The following GFOD1 variants were observed in gnomAD, a reference collection of about 807,000 sequenced individuals.
GFOD1 encodes glucose-fructose oxidoreductase domain-containing protein 1.
GFOD1 carries 9 observed loss-of-function variants against 25.4 expected under a neutral mutation model. The ratio of observed to expected loss-of-function variants is 0.35; its 90% CI spans 0.21 to 0.62. The LOEUF is 0.62. Among genes scored for constraint, GFOD1 ranks in the 20% least tolerant of loss-of-function variants. GFOD1 has a pLI of 0.72. For missense variants in GFOD1, 403 were observed against 556.9 expected (o/e 0.72, Z 2.78); for synonymous variants, 253 against 245.6 (o/e 1.03, Z -0.28).
chr6:13,485,005 C>T lies in GFOD1; in HGVS notation c.253+1633G>A, dbSNP rs151150039. On this transcript the variant is annotated intron_variant, in intron 1 of 1. Coordinates refer to ENST00000379287, the MANE Select transcript of GFOD1 (RefSeq NM_018988.4). ...TATAAGATATTTGATATGCAAAGAGCCAATGTAAACAAGGGAGTTATCCAC... is the reference window on the plus strand; with the variant it reads ...TATAAGATATTTGATATGCAAAGAGTCAATGTAAACAAGGGAGTTATCCAC... 6.5e-4 allele frequency among the ~76,000 whole-genome samples: 99 copies of T among 152,244 alleles called. No individual in the cohort carries two copies. In the East Asian group the frequency reaches 0.018, roughly 27 times the overall value.
chr6:13,458,906 G>A (rs1196283065), intron 1 of GFOD1, among the ~76,000 whole-genome samples: 1 of 151,718 alleles, frequency 6.6e-6, no homozygotes, highest in Non-Finnish European at 1.5e-5. Context: ...GCCTGTGTTT[G>A]TTTATCAAAG....
chr6:13,414,220 G>A (rs927793640), intron 1 of GFOD1, among the ~76,000 whole-genome samples: 2 of 152,182 alleles, frequency 1.3e-5, no homozygotes, highest in South Asian at 4.1e-4. Context: ...AACAAAGCAT[G>A]GGCCCTGTTC....
Position 13,486,811 on chromosome 6 carries a change from G to A in GFOD1, c.80C>T (p.Ala27Val), listed in dbSNP as rs142356137. The change falls in exon 1 of 2, where the codon GCG becomes GTG. Residue 27 changes from alanine to valine, a missense_variant. By Grantham distance (64) the Ala-to-Val change is moderately conservative. Coordinates refer to ENST00000379287, the MANE Select transcript of GFOD1 (RefSeq NM_018988.4). ...IIPLLKDEGF[A>V]VKALWGRTQE... ...CGTGCGGCCCCACAGCGCCTTCACC[G>A]CGAAGCCCTCGTCTTTCAGCAGCGG... is the stretch of plus-strand genomic sequence containing the variant. The A allele has an allele frequency of 6.2e-7, 1 of 1,613,896 alleles. No individual in the cohort carries two copies. The highest frequency in any genetic ancestry group is 8.5e-7 in the Non-Finnish European group (1 of 1,179,978).
Position 13,440,479 on chromosome 6 carries a change from C to T in GFOD1, c.253+46159G>A, listed in dbSNP as rs150474825. 6.1e-4 allele frequency among the ~76,000 whole-genome samples: 93 copies of T among 152,318 alleles called. 1 individual carries two copies. In the Middle Eastern group the frequency reaches 0.01, roughly 17 times the overall value. On this transcript the variant is annotated intron_variant, in intron 1 of 1. Coordinates refer to ENST00000379287, the MANE Select transcript of GFOD1 (RefSeq NM_018988.4). Reference sequence around the variant, plus strand: ...GTGCTGGGATTACAGGCATGAGCCACCGTGTGTGGCCAACATGAATTCTTT... The same window carrying T: ...GTGCTGGGATTACAGGCATGAGCCATCGTGTGTGGCCAACATGAATTCTTT...
At position 13,390,731 on chromosome 6, in the gene GFOD1, AAAAG is replaced by A. The variant is rs1355243324; in HGVS notation, c.254-25073_254-25070del. On this transcript the variant is annotated intron_variant, in intron 1 of 1. Coordinates refer to ENST00000379287, the MANE Select transcript of GFOD1 (RefSeq NM_018988.4). ...ACAGTGAGACCCTGTGAAAAAAAAA[AAAAG>A]AAAGAAAGACAGGAAGAGAGAGAGA... Among the ~76,000 whole-genome samples, 589 of 139,982 alleles carry A rather than the reference AAAAG, an allele frequency of 4.2e-3. 13 individuals carry two copies. The highest frequency in any genetic ancestry group is 0.016 in the African/African-American group (529 of 34,108). 91.8% of individuals were successfully genotyped at this position (139,982 alleles called of 152,430 possible).
intron 1 of GFOD1, among the ~76,000 whole-genome samples, chr6:13,462,930 T>A (rs1758316562): frequency 6.6e-6 from 1 of 152,080 alleles, no homozygotes. Flanking sequence ...AAGTGAAGCA[T>A]CTCCTGTTCA....
intron 1 of GFOD1, among the ~76,000 whole-genome samples, chr6:13,406,837 G>T (rs560387434): frequency 6.6e-6 from 1 of 152,132 alleles, no homozygotes; most frequent in African/African-American, 2.4e-5. Context: ...TTGGCATTTT[G>T]TACACAGTGT....
intron 1 of GFOD1, among the ~76,000 whole-genome samples, chr6:13,429,941 T>C (rs9474175): frequency 0.013 from 1,951 of 152,262 alleles, 39 homozygotes; most frequent in African/African-American, 0.044. Flanking sequence ...CTACTTCTCA[T>C]CTCACATGTT....
intron 1 of GFOD1, among the ~76,000 whole-genome samples, chr6:13,388,062 T>G (rs1480334585): frequency 6.6e-6 from 1 of 152,210 alleles, no homozygotes; most frequent in Non-Finnish European, 1.5e-5. Flanking sequence ...ACAAGGGATG[T>G]GAAGGACCTC....
At chr6:13,411,964 G>C (rs189904576) in intron 1 of GFOD1, among the ~76,000 whole-genome samples, 10 of 152,284 alleles carry the variant, frequency 6.6e-5, no homozygotes, top group African/African-American at 2.4e-4. Flanking sequence ...GCGTCTTTGT[G>C]CCTCTGTTTC....
At chr6:13,395,490 A>G (rs903952378) in intron 1 of GFOD1, among the ~76,000 whole-genome samples, 1 of 152,204 alleles carries the variant, frequency 6.6e-6, no homozygotes, top group African/African-American at 2.4e-5. Context: ...AAATTCAGAT[A>G]CTGCTGTGTC....
At chr6:13,380,232 C>T (rs902232065) in intron 1 of GFOD1, among the ~76,000 whole-genome samples, 14 of 152,168 alleles carry the variant, frequency 9.2e-5, no homozygotes, top group African/African-American at 2.9e-4. Context: ...CATTCCATTC[C>T]GTCTGTGAAA....
At chr6:13,381,999 G>A (rs1027105541) in intron 1 of GFOD1, among the ~76,000 whole-genome samples, 1 of 151,594 alleles carries the variant, frequency 6.6e-6, no homozygotes, top group East Asian at 1.9e-4. Context: ...CCTGCGAAGT[G>A]CTTTGTAGGA....
intron 1 of GFOD1, among the ~76,000 whole-genome samples, chr6:13,392,549 T>C (rs2127561568): frequency 6.6e-6 from 1 of 152,198 alleles, no homozygotes; most frequent in African/African-American, 2.4e-5. Context: ...TTTGTATCAC[T>C]ACACTGGAGA....
intron 1 of GFOD1, among the ~76,000 whole-genome samples, chr6:13,374,390 G>A (rs1010395269): frequency 6.7e-6 from 1 of 148,554 alleles, no homozygotes; most frequent in Non-Finnish European, 1.5e-5. Context: ...TGCAACCTCC[G>A]CCTCCCAGGT....
chr6:13,416,862 G>A lies in GFOD1; in HGVS notation c.254-51200C>T, dbSNP rs190059656. Among the ~76,000 whole-genome samples, 1,349 of 152,266 alleles carry A rather than the reference G, an allele frequency of 8.9e-3. 18 individuals are homozygous for A. The highest frequency in any genetic ancestry group is 0.013 in the Admixed American group (204 of 15,298). On this transcript the variant is annotated intron_variant, in intron 1 of 1. Coordinates refer to ENST00000379287, the MANE Select transcript of GFOD1 (RefSeq NM_018988.4). Reference sequence around the variant, plus strand: ...ATGGGGACTAGAGTGATGGAGATGGGGATGGAGAAAAGTGCAGAGATTTGA... The same window carrying A: ...ATGGGGACTAGAGTGATGGAGATGGAGATGGAGAAAAGTGCAGAGATTTGA...
At chr6:13,454,658 C>A (rs1758157580) in intron 1 of GFOD1, among the ~76,000 whole-genome samples, 1 of 152,240 alleles carries the variant, frequency 6.6e-6, no homozygotes, top group Non-Finnish European at 1.5e-5. Context: ...CAGGAGCACA[C>A]ATGTTCCCAC....
chr6:13,424,393 T>C (rs73366960), intron 1 of GFOD1, among the ~76,000 whole-genome samples: 16,431 of 152,156 alleles, frequency 0.11, 1,623 homozygotes, highest in African/African-American at 0.26. Context: ...TCAACGCTTA[T>C]CTTAAATCCT....
intron 1 of GFOD1, among the ~76,000 whole-genome samples, chr6:13,434,561 A>G (rs1235264564): frequency 6.6e-6 from 1 of 152,184 alleles, no homozygotes; most frequent in African/African-American, 2.4e-5. Flanking sequence ...ACAGAAGTCA[A>G]GTGCAAGGCT....
Sources: allele counts gnomAD v4.1 joint callset (sites outside exome capture counted in the v4.1 genomes callset), GRCh38; gene constraint gnomAD v4.1.1; transcripts MANE v1.5; gene names NCBI Gene and HGNC (gene_info 2026-07-23, HGNC 2026-07-21).